TRPM3: variants seen among roughly 807,000 people sequenced by gnomAD.
The protein encoded by TRPM3 is long transient receptor potential channel 3.
Under a neutral mutation model 181.2 loss-of-function variants are expected in TRPM3, and 77 were observed. The ratio of observed to expected loss-of-function variants is 0.42; its 90% CI spans 0.35 to 0.51. TRPM3 has a LOEUF of 0.51. Ranked by LOEUF, TRPM3 falls within the 20% of genes least tolerant of loss-of-function variation. The probability of loss-of-function intolerance (pLI) is 0.01; values close to 1 mark genes in which losing one functional copy is unlikely to be tolerated. For synonymous variants in TRPM3, 745 were observed against 796.4 expected, an observed-to-expected ratio of 0.94 and a Z score of 1.09; for missense variants, 1,759 against 2,196.7, an observed-to-expected ratio of 0.80 and a Z score of 3.98.
At chr9:71,148,516 G>A (rs1271180503) in intron 1 of TRPM3, among the ~76,000 whole-genome samples, 1 of 152,084 alleles carries the variant, frequency 6.6e-6, no homozygotes, top group African/African-American at 2.4e-5. Context: ...CTTGTCTTCT[G>A]CCTACTGTTC....
intron 1 of TRPM3, among the ~76,000 whole-genome samples, chr9:70,984,034 G>A (rs10868937): frequency 0.54 from 82,752 of 151,938 alleles, 22,855 homozygotes; most frequent in African/African-American, 0.6. Flanking sequence ...CCAGCTATGT[G>A]AGCCAGAAAT....
intron 8 of TRPM3, among the ~76,000 whole-genome samples, chr9:70,753,002 G>C (rs1244993963): frequency 6.6e-6 from 1 of 152,138 alleles, no homozygotes; most frequent in African/African-American, 2.4e-5. Flanking sequence ...AGCTACTTGG[G>C]AGGCTGAGGC....
chr9:71,202,096 C>G (rs2078835174), intron 1 of TRPM3, among the ~76,000 whole-genome samples: 1 of 152,176 alleles, frequency 6.6e-6, no homozygotes. Flanking sequence ...GAGGTCCACT[C>G]CAGACCCTGT....
intron 6 of TRPM3, among the ~76,000 whole-genome samples, chr9:70,798,772 A>C (rs1670589768): frequency 6.6e-6 from 1 of 152,200 alleles, no homozygotes. Flanking sequence ...TCATACCTCA[A>C]CACTGTTGGA....
chr9:70,917,117 A>C, intron 1 of TRPM3: 3 of 1,604,618 alleles, frequency 1.9e-6, no homozygotes, highest in Non-Finnish European at 1.7e-6. Context: ...ACACATTTCC[A>C]TAGGGGTTCG....
In TRPM3 at chr9:71,356,850, T is replaced by C. The variant is rs536207528; in HGVS notation, c.183+89803A>G. 1.8e-3 allele frequency among the ~76,000 whole-genome samples: 274 copies of C among 152,216 alleles called. 1 individual carries two copies. Among genetic ancestry groups the C allele is most frequent in the Non-Finnish European group, 3.0e-3 (201 of 67,990 alleles). ...CAGTGAGAGAGCAGGGACCATGACA[T>C]AATAATATTGTTCACTTGTTTCTGC... On this transcript the variant is annotated intron_variant, in intron 1 of 24. Coordinates refer to the TRPM3 transcript ENST00000357533.
chr9:70,747,659 G>C (rs569112067), intron 8 of TRPM3, among the ~76,000 whole-genome samples: 48 of 151,876 alleles, frequency 3.2e-4, no homozygotes, highest in South Asian at 4.2e-4. Context: ...CATTTTAAAG[G>C]GTTGTTCAAA....
intron 1 of TRPM3, among the ~76,000 whole-genome samples, chr9:71,399,036 T>C (rs1043578011): frequency 2.0e-5 from 3 of 152,156 alleles, no homozygotes; most frequent in African/African-American, 7.2e-5. Flanking sequence ...ATATCCTTTG[T>C]CCCAATAGTG....
chr9:71,346,375 C>G (rs184738933), intron 1 of TRPM3, among the ~76,000 whole-genome samples: 11 of 152,204 alleles, frequency 7.2e-5, no homozygotes, highest in East Asian at 5.8e-4. Context: ...TCACTGTGTC[C>G]TGGGTTTTAG....
At chr9:70,917,365 A>G in intron 1 of TRPM3, 1 of 995,966 alleles carries the variant, frequency 1.0e-6, no homozygotes. Context: ...CCAAGAGTGA[A>G]AGGCCTTCAA....
intron 7 of TRPM3, among the ~76,000 whole-genome samples, chr9:70,762,177 A>G (rs2078266157): frequency 6.6e-6 from 1 of 152,220 alleles, no homozygotes; most frequent in South Asian, 2.1e-4. Flanking sequence ...TATTTCATTA[A>G]TAAGTTTTTG....
In TRPM3 at chr9:70,922,258, G is replaced by C. The variant is rs570520481; in HGVS notation, c.178-57747C>G. On this transcript the variant is annotated intron_variant, in intron 1 of 25. Transcript: ENST00000677713. ...CCTTTTTTATCATTTCTTGGCCAAAGAGATTGAACTCTGAACAATATCACC... is the reference window on the plus strand; with the variant it reads ...CCTTTTTTATCATTTCTTGGCCAAACAGATTGAACTCTGAACAATATCACC... Among the ~76,000 whole-genome samples, 24 of 152,170 alleles carry C rather than the reference G, an allele frequency of 1.6e-4. No homozygotes were observed. In the South Asian group the frequency reaches 4.8e-3, roughly 30 times the overall value.
chr9:71,099,110 T>C (rs1249420462), intron 1 of TRPM3, among the ~76,000 whole-genome samples: 19 of 152,132 alleles, frequency 1.2e-4, no homozygotes, highest in Admixed American at 1.2e-3. Flanking sequence ...CTTATAAAAA[T>C]TTATTTCTCA....
chr9:71,018,005 C>T (rs2097799149), intron 1 of TRPM3, among the ~76,000 whole-genome samples: 1 of 151,720 alleles, frequency 6.6e-6, no homozygotes, highest in African/African-American at 2.4e-5. Flanking sequence ...CTAGCAAGGA[C>T]TTCAAATAAC....
At position 71,389,499 on chromosome 9, in the gene TRPM3, A is replaced by C. The variant is rs1048350895; in HGVS notation, c.183+57154T>G. Among the ~76,000 whole-genome samples the C allele has an allele frequency of 4.6e-5, 7 of 152,176 alleles. No individual in the cohort carries two copies. The South Asian group carries it at 1.2e-3, about 27-fold the overall frequency. ...CTCCTGGGTATCTACCCAGAGGAAAAGAAGTCAATATTCAAAAAAGATACT... is the reference window on the plus strand; with the variant it reads ...CTCCTGGGTATCTACCCAGAGGAAACGAAGTCAATATTCAAAAAAGATACT... On this transcript the variant is annotated intron_variant, in intron 1 of 24. Transcript: ENST00000357533.
chr9:71,184,302 A>G (rs2077559889), intron 1 of TRPM3, among the ~76,000 whole-genome samples: 1 of 152,110 alleles, frequency 6.6e-6, no homozygotes, highest in Non-Finnish European at 1.5e-5. Context: ...CAAGAACACC[A>G]CTTTACTCAA....
At chr9:70,629,215 C>CCG (rs2065245342) in intron 12 of TRPM3, among the ~76,000 whole-genome samples, 1 of 10,162 alleles carries the variant, frequency 9.8e-5, no homozygotes, top group African/African-American at 2.1e-4. Context: ...TGACCAGTGC[C>CCG]GGGGGGGGGG....
chr9:70,614,635 T>C (rs1488003425), intron 18 of TRPM3, among the ~76,000 whole-genome samples: 4 of 152,178 alleles, frequency 2.6e-5, no homozygotes, highest in Non-Finnish European at 5.9e-5. Flanking sequence ...CAGTCTCCAA[T>C]ATAAGTAGTT....
chr9:70,688,335 G>T (rs941321133), intron 8 of TRPM3, among the ~76,000 whole-genome samples: 12 of 152,044 alleles, frequency 7.9e-5, no homozygotes, highest in African/African-American at 2.9e-4. Flanking sequence ...TGGAGTACAG[G>T]TGGCCTTTGG....
Sources: allele counts gnomAD v4.1 joint callset (sites outside exome capture counted in the v4.1 genomes callset), GRCh38; gene constraint gnomAD v4.1.1; transcripts MANE v1.5; gene names NCBI Gene and HGNC (gene_info 2026-07-23, HGNC 2026-07-21).